ROBO2: variants seen among roughly 807,000 people sequenced by gnomAD.
ROBO2 encodes roundabout guidance receptor 2.
ROBO2 carries 53 observed loss-of-function variants against 160.8 expected under a neutral mutation model. The observed-to-expected ratio is 0.33, with a 90% CI of 0.26 to 0.41. ROBO2 has a LOEUF of 0.41. ROBO2 is among the 10% of genes least tolerant of loss of function. ROBO2 has a pLI of 1.00. For missense variants in ROBO2, 1,577 were observed against 1,722.4 expected (o/e 0.92, Z 1.49); for synonymous variants, 664 against 611.7 (o/e 1.09, Z -1.26).
chr3:76,760,898 T>G (rs1225068100), intron 2 of ROBO2, among the ~76,000 whole-genome samples: 1 of 151,754 alleles, frequency 6.6e-6, no homozygotes, highest in Non-Finnish European at 1.5e-5. Context: ...TATGGTACAT[T>G]TATTGTTCTA....
At chr3:77,151,766 T>C (rs867775715) in intron 2 of ROBO2, among the ~76,000 whole-genome samples, 1 of 152,210 alleles carries the variant, frequency 6.6e-6, no homozygotes, top group Admixed American at 6.5e-5. Flanking sequence ...ATGTCTTGCA[T>C]TAAAAATTGC....
chr3:77,553,119 C>T (rs1440791877), intron 8 of ROBO2, among the ~76,000 whole-genome samples: 1 of 151,906 alleles, frequency 6.6e-6, no homozygotes, highest in Admixed American at 6.6e-5. Flanking sequence ...ACATCATGTG[C>T]TCACATTGTG....
intron 2 of ROBO2, among the ~76,000 whole-genome samples, chr3:77,333,091 A>C (rs2066143377): frequency 6.6e-6 from 1 of 152,186 alleles, no homozygotes; most frequent in Non-Finnish European, 1.5e-5. Flanking sequence ...TCTCCCTAAA[A>C]AGAATTATTT....
At chr3:77,153,041 T>C (rs1007511286) in intron 2 of ROBO2, among the ~76,000 whole-genome samples, 1 of 152,214 alleles carries the variant, frequency 6.6e-6, no homozygotes, top group Non-Finnish European at 1.5e-5. Flanking sequence ...TCAGTCTGTC[T>C]CGTTTCACTT....
chr3:77,104,949 T>C (rs571756076), intron 2 of ROBO2, among the ~76,000 whole-genome samples: 7 of 152,216 alleles, frequency 4.6e-5, no homozygotes, highest in Non-Finnish European at 7.3e-5. Context: ...TTAAGTTGGA[T>C]AATCTTACTG....
chr3:76,994,915 G>C (rs914662497), intron 2 of ROBO2, among the ~76,000 whole-genome samples: 1 of 151,730 alleles, frequency 6.6e-6, no homozygotes, highest in Non-Finnish European at 1.5e-5. Context: ...TCATTAATTT[G>C]GAATTAGGAA....
chr3:76,453,604 G>T (rs567048955), intron 2 of ROBO2, among the ~76,000 whole-genome samples: 139 of 152,268 alleles, frequency 9.1e-4, no homozygotes, highest in African/African-American at 3.0e-3. Flanking sequence ...TTGAAGTCAG[G>T]TAGCGTGATG....
intron 2 of ROBO2, among the ~76,000 whole-genome samples, chr3:76,267,238 G>A (rs1707154375): frequency 6.6e-6 from 1 of 152,114 alleles, no homozygotes; most frequent in African/African-American, 2.4e-5. Context: ...ATGAACTGTA[G>A]AGGTTATTAA....
At chr3:77,150,050 C>T (rs1045457217) in intron 2 of ROBO2, among the ~76,000 whole-genome samples, 1 of 152,014 alleles carries the variant, frequency 6.6e-6, no homozygotes, top group South Asian at 2.1e-4. Context: ...TCTGCAGATA[C>T]ATGATTATAT....
intron 4 of ROBO2, among the ~76,000 whole-genome samples, chr3:77,490,099 CTTT>C (rs753903306): frequency 1.6e-5 from 2 of 126,658 alleles, no homozygotes; most frequent in African/African-American, 2.9e-5. Context: ...TTGTATTTTA[CTTT>C]TTTTTTTTTT....
chr3:75,923,494 G>C (rs1411091774), intron 1 of ROBO2, among the ~76,000 whole-genome samples: 4 of 152,216 alleles, frequency 2.6e-5, no homozygotes, highest in Non-Finnish European at 1.5e-5. Context: ...TGCAGACAGA[G>C]CCTGAGCAGG....
intron 2 of ROBO2, among the ~76,000 whole-genome samples, chr3:76,817,941 C>T (rs181721681): frequency 2.7e-5 from 4 of 149,790 alleles, no homozygotes; most frequent in East Asian, 2.0e-4. Flanking sequence ...TTTGCAATTG[C>T]GAATTATGCT....
rs954919104 is a variant in ROBO2 at position 76,707,737 on chromosome 3, A to G, written c.110-390277A>G. On this transcript the variant is annotated intron_variant, in intron 2 of 26. Transcript: ENST00000487694. ...CATTAGAATACATGTGTGTGTATAT[A>G]TATATATATATATATATATATATAA... Among the ~76,000 whole-genome samples the G allele has an allele frequency of 1.5e-3, 76 of 50,288 alleles. 1 individual carries two copies. The highest frequency in any genetic ancestry group is 4.2e-3 in the African/African-American group (68 of 16,130). 33.0% of individuals were successfully genotyped at this position (50,288 alleles called of 152,430 possible). A position where few individuals can be genotyped will look rare whatever the true frequency, so the allele number is the denominator to read the frequency against.
chr3:76,873,449 AAATT>A (rs1326938356), intron 2 of ROBO2, among the ~76,000 whole-genome samples: 2 of 152,246 alleles, frequency 1.3e-5, no homozygotes, highest in African/African-American at 4.8e-5. Flanking sequence ...AACATTCTTT[AAATT>A]ATGGAATGAA....
chr3:76,950,894 AT>A (rs1046290792), intron 2 of ROBO2, among the ~76,000 whole-genome samples: 3 of 151,932 alleles, frequency 2.0e-5, no homozygotes, highest in Non-Finnish European at 4.4e-5. Context: ...ACCGGGCTTA[AT>A]TTTTGTATTT....
At chr3:76,172,567 G>T (rs1226567616) in intron 2 of ROBO2, among the ~76,000 whole-genome samples, 1 of 151,808 alleles carries the variant, frequency 6.6e-6, no homozygotes, top group Non-Finnish European at 1.5e-5. Context: ...ACAGGACCTA[G>T]ATTCTCAAAC....
chr3:76,214,727 C>T (rs944856021), intron 2 of ROBO2, among the ~76,000 whole-genome samples: 4 of 152,214 alleles, frequency 2.6e-5, no homozygotes, highest in African/African-American at 9.6e-5. Flanking sequence ...GTAGGCTCCA[C>T]CTCTGGGGGC....
intron 2 of ROBO2, among the ~76,000 whole-genome samples, chr3:77,448,608 G>T (rs1560862744): frequency 6.6e-6 from 1 of 152,006 alleles, no homozygotes; most frequent in South Asian, 2.1e-4. Flanking sequence ...CGTAAGGACA[G>T]GTATTAGTCT....
chr3:76,820,935 G>A (rs1175140597), intron 2 of ROBO2, among the ~76,000 whole-genome samples: 1 of 151,776 alleles, frequency 6.6e-6, no homozygotes, highest in East Asian at 1.9e-4. Context: ...AGAATATGTT[G>A]ATGAAAATAT....
Sources: gnomAD v4.1 joint callset for allele counts (sites outside exome capture counted in the v4.1 genomes callset) on GRCh38, gnomAD v4.1.1 for gene constraint, MANE v1.5 for transcripts, NCBI Gene and HGNC (gene_info 2026-07-23, HGNC 2026-07-21) for gene names.